The following ANKRD36 variants were observed in gnomAD, a reference collection of about 807,000 sequenced individuals.
The protein encoded by ANKRD36 is ankyrin repeat domain 36.
Under a neutral mutation model 278.1 loss-of-function variants are expected in ANKRD36, and 179 were observed. That is an observed-to-expected ratio of 0.64 (90% CI 0.57 to 0.73). The LOEUF (loss-of-function observed/expected upper bound fraction) is 0.73. Ranked by LOEUF, ANKRD36 falls within the 30% of genes least tolerant of loss-of-function variation. The pLI is 0.00. For missense variants in ANKRD36, 1,159 were observed against 1,956.7 expected (o/e 0.59, Z 7.69); for synonymous variants, 320 against 641.1 (o/e 0.50, Z 7.57).
chr2:97,203,960 A>C, intron 48 of ANKRD36, 108 bp from the exon 49 acceptor site: 1 of 1,480,534 alleles, frequency 6.8e-7, no homozygotes, highest in Admixed American at 2.1e-5. Context: ...ATCAAAGCAT[A>C]CGCTAATACA....
At chr2:97,162,265 A>G in intron 18 of ANKRD36, 127 bp downstream of exon 18, 1 of 787,356 alleles carries the variant, frequency 1.3e-6, no homozygotes, top group Non-Finnish European at 1.7e-6. Flanking sequence ...CTTTAATATA[A>G]TTTTTGAAAA....
chr2:97,117,415 G>T (rs1305187998), intron 1 of ANKRD36, among the ~76,000 whole-genome samples: 2 of 151,954 alleles, frequency 1.3e-5, no homozygotes, highest in East Asian at 3.8e-4. Context: ...ATTGGGTGAT[G>T]CCACATTACT....
At chr2:97,192,069 G>A (rs1051264439) in intron 36 of ANKRD36, among the ~76,000 whole-genome samples, 3 of 151,712 alleles carry the variant, frequency 2.0e-5, no homozygotes, top group African/African-American at 7.2e-5. Flanking sequence ...CATTTTCAAT[G>A]GATATTGGAA....
In ANKRD36 at chr2:97,209,639, A is replaced by G. The variant is rs565167918; in HGVS notation, c.3266-42A>G. The G allele has an allele frequency of 1.4e-4, 226 of 1,581,112 alleles. 15 individuals carry two copies. The highest frequency in any genetic ancestry group is 9.8e-4 in the South Asian group (88 of 89,394). On this transcript the variant is annotated intron_variant, in intron 54 of 75. Transcript: ENST00000420699. ...GTGTGAATGTATGGATAACTTTATCATATTTACATGTGAGTGATTATGTAT... is the reference window on the plus strand; with the variant it reads ...GTGTGAATGTATGGATAACTTTATCGTATTTACATGTGAGTGATTATGTAT...
At chr2:97,229,266 G>A (rs2071055148) in intron 67 of ANKRD36, among the ~76,000 whole-genome samples, 1 of 151,552 alleles carries the variant, frequency 6.6e-6, no homozygotes, top group Non-Finnish European at 1.5e-5. Flanking sequence ...TATTGTGTGG[G>A]AGTCTAAGTC....
rs766626348 is a variant in ANKRD36 at position 97,179,695 on chromosome 2, C to T, written c.1634-43C>T. ...TGCATTTATGTATGGATAACATTAT[C>T]ATATTTACATATGATTGATTATGTA... On this transcript the variant is annotated intron_variant, in intron 22 of 75. Transcript: ENST00000420699. The T allele has an allele frequency of 3.8e-6, 6 of 1,591,420 alleles. No homozygotes were observed. In the African/African-American group the frequency reaches 8.1e-5, roughly 21 times the overall value.
chr2:97,230,961 A>G (rs191173184), intron 67 of ANKRD36, among the ~76,000 whole-genome samples: 1 of 152,052 alleles, frequency 6.6e-6, no homozygotes, highest in African/African-American at 2.4e-5. Flanking sequence ...GCAGATTTTC[A>G]TGAACCGCGA....
chr2:97,120,779 A>T (rs1267824532), intron 3 of ANKRD36, among the ~76,000 whole-genome samples: 1 of 152,154 alleles, frequency 6.6e-6, no homozygotes, highest in Non-Finnish European at 1.5e-5. Context: ...CAAATATAAA[A>T]ATACAAGGTA....
intron 22 of ANKRD36, among the ~76,000 whole-genome samples, chr2:97,174,203 A>T (rs11888429): frequency 0.02 from 3,063 of 151,890 alleles, 110 homozygotes; most frequent in African/African-American, 0.071. Flanking sequence ...ACAGTGAGAA[A>T]GTCGAACTGC....
At chr2:97,116,506 T>C (rs529238031) in intron 1 of ANKRD36, among the ~76,000 whole-genome samples, 35 of 152,150 alleles carry the variant, frequency 2.3e-4, no homozygotes, top group African/African-American at 8.4e-4. Flanking sequence ...ACTCCTGACC[T>C]CAGGTGATCC....
intron 22 of ANKRD36, among the ~76,000 whole-genome samples, chr2:97,174,954 C>A (rs1422637464): frequency 6.9e-6 from 1 of 144,080 alleles, no homozygotes; most frequent in East Asian, 2.0e-4. Context: ...ATTGAACCAG[C>A]CTTGCATCCC....
intron 6 of ANKRD36, among the ~76,000 whole-genome samples, chr2:97,134,875 T>G (rs1386834687): frequency 2.6e-5 from 4 of 152,036 alleles, no homozygotes; most frequent in South Asian, 2.1e-4. Context: ...TGGATAAACT[T>G]TTAAGGGAGT....
intron 6 of ANKRD36, among the ~76,000 whole-genome samples, chr2:97,131,715 CAAATT>C (rs1436762048): frequency 1.1e-4 from 16 of 151,852 alleles, no homozygotes. Context: ...AGATTAGAAA[CAAATT>C]AAATGAGCTC....
chr2:97,124,735 G>A, intron 5 of ANKRD36, 138 bp downstream of exon 5: 1 of 1,030,902 alleles, frequency 9.7e-7, no homozygotes, highest in South Asian at 1.9e-5. Flanking sequence ...AAGTTTTTAA[G>A]TTTTCGAGAG....
At chr2:97,227,249 TA>T (rs1411781218) in intron 67 of ANKRD36, among the ~76,000 whole-genome samples, 1 of 152,148 alleles carries the variant, frequency 6.6e-6, no homozygotes, top group Non-Finnish European at 1.5e-5. Flanking sequence ...TGATTCTTCC[TA>T]CCCATGAGCA....
intron 6 of ANKRD36, among the ~76,000 whole-genome samples, chr2:97,137,562 C>T (rs1297677126): frequency 2.0e-5 from 3 of 146,484 alleles, no homozygotes; most frequent in Non-Finnish European, 3.0e-5. Flanking sequence ...GCTGAGATTA[C>T]AGGAACAAGC....
intron 22 of ANKRD36, among the ~76,000 whole-genome samples, chr2:97,169,355 G>A (rs2051690082): frequency 2.0e-5 from 3 of 152,408 alleles, no homozygotes; most frequent in Admixed American, 2.0e-4. Flanking sequence ...TTAGCCTTTT[G>A]TCAGATGGAG....
At position 97,209,303 on chromosome 2, in the gene ANKRD36, G is replaced by T. The variant is rs545341582; in HGVS notation, c.3266-378G>T. 4.4e-4 allele frequency among the ~76,000 whole-genome samples: 65 copies of T among 146,600 alleles called. 2 individuals are homozygous for T. In the South Asian group the frequency reaches 0.014, roughly 31 times the overall value. Reference sequence around the variant, plus strand: ...ATGGTGTAAATCCTTTTGATTTGTTGCATGAAAGACATATGGGATCATGTA... The same window carrying T: ...ATGGTGTAAATCCTTTTGATTTGTTTCATGAAAGACATATGGGATCATGTA... On this transcript the variant is annotated intron_variant, in intron 54 of 75. Coordinates refer to ENST00000420699, the MANE Select transcript of ANKRD36 (RefSeq NM_001354587.1).
chr2:97,115,775 C>T (rs2035144443), intron 1 of ANKRD36, among the ~76,000 whole-genome samples: 1 of 151,438 alleles, frequency 6.6e-6, no homozygotes, highest in Admixed American at 6.6e-5. Flanking sequence ...TGTATGTGCC[C>T]TTCACCCATC....
Sources: allele counts gnomAD v4.1 joint callset (sites outside exome capture counted in the v4.1 genomes callset), GRCh38; gene constraint gnomAD v4.1.1; transcripts MANE v1.5; gene names NCBI Gene and HGNC (gene_info 2026-07-23, HGNC 2026-07-21).